Variants in TMC1 observed in about 807,000 individuals in gnomAD.
The protein encoded by TMC1 is transmembrane channel like 1, also known as transmembrane channel-like protein 1.
A neutral mutation model predicts 105.8 loss-of-function variants in TMC1; 84 were observed. The observed-to-expected ratio is 0.79, with a 90% confidence interval of 0.67 to 0.95. TMC1 has a LOEUF of 0.95. Ranked by LOEUF, TMC1 falls within the 40% of genes least tolerant of loss-of-function variation. TMC1 has a pLI of 0.00. For synonymous variants in TMC1, 315 were observed against 311.5 expected (o/e 1.01, Z -0.12); for missense variants, 817 against 914.1 (o/e 0.89, Z 1.37).
At chr9:72,615,586 T>A (rs1248231192) in intron 2 of TMC1, among the ~76,000 whole-genome samples, 1 of 152,148 alleles carries the variant, frequency 6.6e-6, no homozygotes, top group Non-Finnish European at 1.5e-5. Context: ...ATTTCCAAAA[T>A]GTCTTTTCGA....
chr9:72,545,686 C>G (rs1262413194), intron 1 of TMC1, among the ~76,000 whole-genome samples: 1 of 152,004 alleles, frequency 6.6e-6, no homozygotes, highest in Non-Finnish European at 1.5e-5. Flanking sequence ...TAGGGTTTCA[C>G]CATGTTCGCC....
At chr9:72,528,346 T>G (rs1223741028) in intron 1 of TMC1, among the ~76,000 whole-genome samples, 5 of 152,034 alleles carry the variant, frequency 3.3e-5, no homozygotes, top group African/African-American at 1.2e-4. Context: ...TTTTTTTTTT[T>G]TTTTTGAGAC....
intron 4 of TMC1, among the ~76,000 whole-genome samples, chr9:72,648,072 A>G (rs1263371363): frequency 6.6e-6 from 1 of 152,210 alleles, no homozygotes; most frequent in Non-Finnish European, 1.5e-5. Flanking sequence ...GAGAAAATAA[A>G]TACTATGCCC....
chr9:72,746,820 T>G (rs117351587), intron 10 of TMC1, among the ~76,000 whole-genome samples: 1,937 of 152,310 alleles, frequency 0.013, 29 homozygotes, highest in Admixed American at 0.045. Context: ...TGTGACGTTA[T>G]GCATCACTTG....
chr9:72,526,577 C>G (rs2132054119), intron 1 of TMC1, among the ~76,000 whole-genome samples: 1 of 152,322 alleles, frequency 6.6e-6, no homozygotes, highest in Admixed American at 6.5e-5. Flanking sequence ...TAAGAGCTTT[C>G]TTTTTCCTCT....
intron 5 of TMC1, among the ~76,000 whole-genome samples, chr9:72,673,667 TTAGA>T (rs1470544363): frequency 6.6e-6 from 1 of 152,106 alleles, no homozygotes; most frequent in African/African-American, 2.4e-5. Flanking sequence ...ATTTGACAAC[TTAGA>T]TAAATTGCAC....
At chr9:72,588,059 G>T (rs921467971) in intron 2 of TMC1, among the ~76,000 whole-genome samples, 5 of 152,152 alleles carry the variant, frequency 3.3e-5, no homozygotes, top group African/African-American at 4.8e-5. Flanking sequence ...AAAGTGCTGG[G>T]ATTACAGGTG....
chr9:72,743,123 T>G (rs1268718723), intron 10 of TMC1, among the ~76,000 whole-genome samples: 2 of 151,696 alleles, frequency 1.3e-5, no homozygotes, highest in Non-Finnish European at 2.9e-5. Flanking sequence ...ATCCCAGCAC[T>G]TTGGGAGGCC....
intron 18 of TMC1, among the ~76,000 whole-genome samples, chr9:72,813,772 G>A (rs1015722231): frequency 2.6e-5 from 4 of 152,202 alleles, no homozygotes; most frequent in African/African-American, 9.6e-5. Flanking sequence ...AGGAAACTAA[G>A]CCTAATGAGA....
Position 72,806,245 on chromosome 9 carries a change from G to A in TMC1, c.1695+735G>A, listed in dbSNP as rs1370748622. On this transcript the variant is annotated intron_variant, in intron 18 of 23. Coordinates refer to ENST00000297784, the MANE Select transcript of TMC1 (RefSeq NM_138691.3). Reference sequence around the variant, plus strand: ...GGGCTGACCACCCCACCTCCCTCCCGGATGGGGCGGCTGGCCGGGCAGAGG... The same window carrying A: ...GGGCTGACCACCCCACCTCCCTCCCAGATGGGGCGGCTGGCCGGGCAGAGG... Among the ~76,000 whole-genome samples the A allele has an allele frequency of 1.2e-4, 18 of 144,630 alleles. No homozygotes were observed. The South Asian group carries it at 3.3e-3, about 26-fold the overall frequency. 94.9% of individuals were successfully genotyped at this position (144,630 alleles called of 152,430 possible).
intron 2 of TMC1, among the ~76,000 whole-genome samples, chr9:72,589,939 T>G (rs1486505733): frequency 6.6e-6 from 1 of 152,172 alleles, no homozygotes. Context: ...ACTGATGAAC[T>G]GCAGGGTATC....
At chr9:72,679,098 C>T (rs1279579567) in intron 5 of TMC1, among the ~76,000 whole-genome samples, 1 of 151,892 alleles carries the variant, frequency 6.6e-6, no homozygotes, top group Non-Finnish European at 1.5e-5. Context: ...TAAGTTTGAC[C>T]CCAAAGACTT....
chr9:72,691,801 C>T (rs915889822), intron 6 of TMC1, among the ~76,000 whole-genome samples: 3 of 152,184 alleles, frequency 2.0e-5, no homozygotes, highest in African/African-American at 7.2e-5. Context: ...ATATTTCAGT[C>T]TTTTATTTCC....
intron 23 of TMC1, among the ~76,000 whole-genome samples, chr9:72,832,360 A>G (rs1829054933): frequency 6.6e-6 from 1 of 152,224 alleles, no homozygotes; most frequent in Non-Finnish European, 1.5e-5. Flanking sequence ...TTATGGCAGC[A>G]GGAATGGATG....
chr9:72,814,896 TTGTGTG>T (rs57564294), intron 18 of TMC1, among the ~76,000 whole-genome samples: 1,791 of 119,226 alleles, frequency 0.015, 23 homozygotes, highest in African/African-American at 0.037. Context: ...TGGATCATCT[TTGTGTG>T]TGTGTGTGTG....
intron 1 of TMC1, among the ~76,000 whole-genome samples, chr9:72,556,095 T>C (rs1823935281): frequency 6.6e-6 from 1 of 151,232 alleles, no homozygotes; most frequent in African/African-American, 2.4e-5. Flanking sequence ...AAAACACCTT[T>C]CTGTTAGCCT....
chr9:72,592,981 C>T lies in TMC1; in HGVS notation c.-306+14958C>T, dbSNP rs189084207. ...CAACAACTATTATCTTGACTAGGCT[C>T]AGGGCTGTTAAAACAGTATTGCTCT... is the stretch of plus-strand genomic sequence containing the variant. On this transcript the variant is annotated intron_variant, in intron 2 of 23. Coordinates refer to ENST00000297784, the MANE Select transcript of TMC1 (RefSeq NM_138691.3). Among the ~76,000 whole-genome samples, 41 of 152,222 alleles carry T rather than the reference C, an allele frequency of 2.7e-4. No individual in the cohort carries two copies. The East Asian group carries it at 7.9e-3, about 29-fold the overall frequency.
At chr9:72,686,485 T>C (rs1222374614) in intron 5 of TMC1, among the ~76,000 whole-genome samples, 1 of 152,222 alleles carries the variant, frequency 6.6e-6, no homozygotes, top group Non-Finnish European at 1.5e-5. Flanking sequence ...GAAGGAGATA[T>C]AGGCCAGTGC....
intron 5 of TMC1, among the ~76,000 whole-genome samples, chr9:72,661,528 C>T (rs951518092): frequency 6.6e-6 from 1 of 152,182 alleles, no homozygotes; most frequent in Admixed American, 6.5e-5. Flanking sequence ...ACTGCCTCCT[C>T]TGTGTTGCTT....
Sources: allele counts gnomAD v4.1 joint callset (sites outside exome capture counted in the v4.1 genomes callset), GRCh38; gene constraint gnomAD v4.1.1; transcripts MANE v1.5; gene names NCBI Gene and HGNC (gene_info 2026-07-23, HGNC 2026-07-21).